C1QTNF5: variants seen among roughly 807,000 people sequenced by gnomAD.
C1QTNF5 encodes C1q and TNF related 5, also known as complement C1q tumor necrosis factor-related protein 5.
In C1QTNF5, 5 loss-of-function variants were observed where a neutral mutation model predicts 10.9. The observed-to-expected ratio is 0.46, with a 90% CI of 0.24 to 0.97. The LOEUF (loss-of-function observed/expected upper bound fraction) is 0.97. Ranked by LOEUF, C1QTNF5 falls within the 50% of genes least tolerant of loss-of-function variation. C1QTNF5 has a pLI of 0.19. For missense variants in C1QTNF5, 281 were observed against 339.4 expected (o/e 0.83, Z 1.35); for synonymous variants, 161 against 156.5 (o/e 1.03, Z -0.22).
upstream of C1QTNF5, chr11:119,345,023 G>A (rs996211821): frequency 1.9e-6 from 3 of 1,597,714 alleles, no homozygotes; most frequent in East Asian, 4.5e-5. Context: ...AGCCAGGTTG[G>A]GGGTGAGGGA....
chr11:119,344,254 A>C, upstream of C1QTNF5: 1 of 1,479,448 alleles, frequency 6.8e-7, no homozygotes, highest in South Asian at 1.1e-5. Flanking sequence ...CATTACACTA[A>C]CTTGGGGATC....
rs1165275829 is a variant in C1QTNF5, at chr11:119,339,077, G to A, written c.*254C>T. The stretch of plus-strand genomic sequence containing the variant: ...GTGGGCTCCTGGACCAGAGCAACTG[G>A]GGGACTTACACTTGCCAGCACAGCA... On this transcript the variant is annotated 3_prime_UTR_variant, in exon 3 of 3. Transcript: ENST00000528368. This position sits in a 1 kb window ranked among gnomAD's most constrained non-coding sequence, Gnocchi z 5.4. The A allele has an allele frequency of 3.8e-5, 18 of 476,738 alleles. 1 individual carries two copies. Among genetic ancestry groups the A allele is most frequent in the Non-Finnish European group, 2.6e-5 (7 of 268,818 alleles). The allele number at this position is 476,738 out of a possible 1,614,324, so 29.5% of individuals were successfully genotyped here. A position where few individuals can be genotyped will look rare whatever the true frequency, so the allele number is the denominator to read the frequency against.
chr11:119,339,245 G>A lies in C1QTNF5; in HGVS notation c.*86C>T, dbSNP rs1270240523. The A allele has an allele frequency of 3.4e-6, 5 of 1,468,718 alleles. No homozygotes were observed. The East Asian group carries it at 1.1e-4, about 34-fold the overall frequency. 91.0% of individuals were successfully genotyped at this position (1,468,718 alleles called of 1,614,324 possible). On this transcript the variant is annotated 3_prime_UTR_variant, in exon 3 of 3. Coordinates refer to ENST00000528368, the MANE Select transcript of C1QTNF5 (RefSeq NM_001278431.2). The surrounding 1 kb of genome is among the most constrained non-coding windows in gnomAD (Gnocchi z 5.4). ...TCCCTAGTCATTCACAATATTCCAG[G>A]GGGGCCAGCCCTCCTGGATGACCTG... is the stretch of plus-strand genomic sequence containing the variant.
rs776032913 is a variant in C1QTNF5, at chr11:119,339,433, A to G, written c.630T>C (p.Gly210=). 6.2e-7 allele frequency: 1 copy of G among 1,613,420 alleles called. No homozygotes were observed. The highest frequency in any genetic ancestry group is 8.5e-7 in the Non-Finnish European group (1 of 1,179,796). Reference sequence around the variant, plus strand: ...CATAGATGCCAATGTAGTCACCCACACCCACCTGCACCCACACTTGGTCCT... The same window carrying G: ...CATAGATGCCAATGTAGTCACCCACGCCCACCTGCACCCACACTTGGTCCT... The part of the protein sequence containing the change: ...EPEDQVWVQV[G]VGDYIGIYAS... Residue 210 remains glycine, a synonymous_variant, in exon 3 of 3, where the codon GGT becomes GGC. Transcript: ENST00000528368. This position sits in a 1 kb window ranked among gnomAD's most constrained non-coding sequence, Gnocchi z 5.4.
upstream of C1QTNF5, chr11:119,343,801 C>A (rs765437365): frequency 1.2e-6 from 2 of 1,613,626 alleles, no homozygotes; most frequent in African/African-American, 1.3e-5. Context: ...CATGGCTCTT[C>A]CCTGGCTCCT....
chr11:119,345,933 A>G (rs774158833), upstream of C1QTNF5: 14 of 1,613,716 alleles, frequency 8.7e-6, no homozygotes, highest in Non-Finnish European at 1.2e-5. Context: ...GCAGCTCTGG[A>G]GGCGAGAAGA....
At chr11:119,342,057 C>A, upstream of C1QTNF5, 1 of 1,592,924 alleles carries the variant, frequency 6.3e-7, no homozygotes. Context: ...GTCACCGAAT[C>A]GCTCGGTCCT....
chr11:119,341,546 G>A, upstream of C1QTNF5: 1 of 1,611,782 alleles, frequency 6.2e-7, no homozygotes, highest in Non-Finnish European at 8.5e-7. Context: ...CCGGCTTCAG[G>A]GTCAGGGCTG....
upstream of C1QTNF5, chr11:119,343,998 C>A: frequency 1.2e-6 from 2 of 1,609,038 alleles, no homozygotes; most frequent in Non-Finnish European, 8.5e-7. Flanking sequence ...AATTCATGGC[C>A]CCTTCTCCTG....
upstream of C1QTNF5, among the ~76,000 whole-genome samples, chr11:119,343,174 T>C (rs974024510): frequency 2.0e-5 from 3 of 152,154 alleles, no homozygotes; most frequent in African/African-American, 7.2e-5. Flanking sequence ...AGGGAAAGCA[T>C]TAAACAAACT....
the C1QTNF5 span, chr11:119,346,357 A>G: frequency 6.0e-4 from 969 of 1,614,078 alleles, 6 homozygotes; most frequent in African/African-American, 0.011. Context: ...GCTCGAAGGC[A>G]GGATTGCAGA....
At chr11:119,345,748 C>G (rs759494222), upstream of C1QTNF5, 4 of 1,613,386 alleles carry the variant, frequency 2.5e-6, no homozygotes, top group Non-Finnish European at 3.4e-6. Flanking sequence ...GCCCTTCTCC[C>G]GGAAGATCTG....
upstream of C1QTNF5, chr11:119,342,836 C>T (rs1331271595): frequency 6.2e-7 from 1 of 1,613,040 alleles, no homozygotes; most frequent in Non-Finnish European, 8.5e-7. Flanking sequence ...CTGGAGGTGC[C>T]TCTACTGCCC....
the C1QTNF5 span, chr11:119,345,955 G>C: frequency 2.5e-6 from 4 of 1,613,580 alleles, no homozygotes; most frequent in Admixed American, 5.0e-5. Flanking sequence ...GGAGGGTGGC[G>C]TTCAGAGGAG....
the C1QTNF5 span, chr11:119,346,525 C>G: frequency 6.2e-7 from 1 of 1,613,934 alleles, no homozygotes; most frequent in East Asian, 2.2e-5. Flanking sequence ...GCACAAGGCT[C>G]TGCATGGCTT....
chr11:119,342,823 C>G, upstream of C1QTNF5: 1 of 1,613,052 alleles, frequency 6.2e-7, no homozygotes, highest in Non-Finnish European at 8.5e-7. Flanking sequence ...CTTGTCTGTC[C>G]CCCTGGAGGT....
chr11:119,341,736 T>G, upstream of C1QTNF5: 1 of 1,613,256 alleles, frequency 6.2e-7, no homozygotes. Context: ...CACAGGAGCC[T>G]CCGGAAATGC....
upstream of C1QTNF5, chr11:119,344,112 G>T: frequency 8.8e-7 from 1 of 1,131,604 alleles, no homozygotes; most frequent in Non-Finnish European, 1.3e-6. Context: ...TAATTTACCT[G>T]GTTTCAGAGG....
At chr11:119,346,243 TC>T in the C1QTNF5 span, 3 of 1,582,234 alleles carry the variant, frequency 1.9e-6, no homozygotes, top group Non-Finnish European at 2.6e-6. Flanking sequence ...CTCTCTGTCC[TC>T]CCCCAGGTCA....
Sources: gnomAD v4.1 joint callset for allele counts (sites outside exome capture counted in the v4.1 genomes callset) on GRCh38, gnomAD v4.1.1 for gene constraint, Gnocchi (gnomAD v3.1) non-coding constraint, MANE v1.5 for transcripts, NCBI Gene and HGNC (gene_info 2026-07-23, HGNC 2026-07-21) for gene names.